Variants in CYBRD1 observed in about 807,000 individuals in gnomAD.
CYBRD1 encodes the protein plasma membrane ascorbate-dependent reductase CYBRD1.
Under a neutral mutation model 21.9 loss-of-function variants are expected in CYBRD1, and 14 were observed. That is an observed-to-expected ratio of 0.64 (90% confidence interval 0.42 to 1.00). The LOEUF (loss-of-function observed/expected upper bound fraction) is 1.00. Ranked by LOEUF, CYBRD1 falls within the 50% of genes least tolerant of loss-of-function variation. The probability of loss-of-function intolerance (pLI) is 0.00; values close to 1 mark genes in which losing one functional copy is unlikely to be tolerated. For missense variants in CYBRD1, 328 were observed against 352.5 expected, an observed-to-expected ratio of 0.93 and a Z score of 0.56; for synonymous variants, 146 against 136.5, an observed-to-expected ratio of 1.07 and a Z score of -0.48.
intron 1 of CYBRD1, among the ~76,000 whole-genome samples, chr2:171,534,342 C>G (rs886338101): frequency 2.0e-5 from 3 of 152,078 alleles, no homozygotes; most frequent in African/African-American, 7.2e-5. Context: ...CTCATTGAAC[C>G]TCAGGAATGG....
At chr2:171,543,159 C>A (rs1697661102) in intron 2 of CYBRD1, among the ~76,000 whole-genome samples, 1 of 152,160 alleles carries the variant, frequency 6.6e-6, no homozygotes, top group Non-Finnish European at 1.5e-5. Flanking sequence ...AGTACCTGTA[C>A]ATCAGAAGTC....
At chr2:171,551,768 G>T (rs943797215) in intron 2 of CYBRD1, among the ~76,000 whole-genome samples, 25 of 151,982 alleles carry the variant, frequency 1.6e-4, no homozygotes, top group African/African-American at 5.8e-4. Flanking sequence ...TATTAAAAAT[G>T]GTATCATTAA....
chr2:171,548,221 C>A (rs1697746621), intron 2 of CYBRD1, among the ~76,000 whole-genome samples: 1 of 152,166 alleles, frequency 6.6e-6, no homozygotes, highest in African/African-American at 2.4e-5. Flanking sequence ...CCTAGAACAG[C>A]AGCATTAGCA....
At chr2:171,537,068 A>AC (rs1391338092) in intron 1 of CYBRD1, among the ~76,000 whole-genome samples, 1 of 152,166 alleles carries the variant, frequency 6.6e-6, no homozygotes, top group East Asian at 1.9e-4. Context: ...TTCTATCTTC[A>AC]CAGAGTTGAG....
intron 1 of CYBRD1, chr2:171,523,363 C>T (rs1310480191): frequency 3.0e-6 from 1 of 334,446 alleles, no homozygotes; most frequent in Non-Finnish European, 6.1e-6. Context: ...CTGGGTTCCT[C>T]TCCTCCTAGA....
intron 2 of CYBRD1, among the ~76,000 whole-genome samples, chr2:171,545,235 T>G (rs1697693207): frequency 6.6e-6 from 1 of 152,022 alleles, no homozygotes; most frequent in Admixed American, 6.6e-5. Context: ...AAAGAATGCT[T>G]CTAATATTTT....
At chr2:171,523,364 T>G (rs1451429924) in intron 1 of CYBRD1, 1 of 331,954 alleles carries the variant, frequency 3.0e-6, no homozygotes, top group Non-Finnish European at 6.1e-6. Flanking sequence ...TGGGTTCCTC[T>G]CCTCCTAGAG....
Position 171,544,549 on chromosome 2 carries a change from A to G in CYBRD1, c.402+2756A>G, listed in dbSNP as rs1697682262. ...AACAAACCAAAAAAACCCCAACAAT[A>G]TGAAAAATAGTTTTGTCTTTGATAT... On this transcript the variant is annotated intron_variant, in intron 2 of 3. Transcript: ENST00000321348. Among the ~76,000 whole-genome samples, 4 of 152,212 alleles carry G rather than the reference A, an allele frequency of 2.6e-5. 1 individual carries two copies. The South Asian group carries it at 8.3e-4, about 32-fold the overall frequency.
At chr2:171,526,789 A>G (rs1406518558) in intron 1 of CYBRD1, among the ~76,000 whole-genome samples, 1 of 152,228 alleles carries the variant, frequency 6.6e-6, no homozygotes, top group Non-Finnish European at 1.5e-5. Context: ...GAAAGGTAGA[A>G]AATTCGGGTG....
In CYBRD1 at chr2:171,555,451, G is replaced by T. The variant is rs527646451; in HGVS notation, c.*624G>T. On this transcript the variant is annotated 3_prime_UTR_variant, in exon 4 of 4. Coordinates refer to ENST00000321348, the MANE Select transcript of CYBRD1 (RefSeq NM_024843.4). ...TTAGGGTATTGATAGATTAGAGCAG[G>T]TGGTTGAAGAGATCTTCTCTGGTCA... The T allele has an allele frequency of 6.5e-6, 1 of 153,088 alleles. No individual in the cohort carries two copies. 9.5% of individuals were successfully genotyped at this position (153,088 alleles called of 1,614,324 possible). A position where few individuals can be genotyped will look rare whatever the true frequency, so the allele number is the denominator to read the frequency against.
At chr2:171,550,290 G>A (rs1697779959) in intron 2 of CYBRD1, among the ~76,000 whole-genome samples, 1 of 152,060 alleles carries the variant, frequency 6.6e-6, no homozygotes, top group Non-Finnish European at 1.5e-5. Context: ...ATTTTTAGTA[G>A]AGATGGGGTT....
chr2:171,554,671 T>G lies in CYBRD1; in HGVS notation c.705T>G (p.Leu235=). Residue 235 remains leucine (L), a synonymous_variant, in exon 4 of 4, where the codon CTT becomes CTG. Coordinates refer to ENST00000321348, the MANE Select transcript of CYBRD1 (RefSeq NM_024843.4). ...CTAAGGAGCCAAATTCTACCATTCT[T>G]CATCCAAATGGAGGCACTGAACAGG... ...KRPKEPNSTI[L]HPNGGTEQGA... The G allele has an allele frequency of 1.9e-6, 3 of 1,614,048 alleles. No individual in the cohort carries two copies. The highest frequency in any genetic ancestry group is 2.5e-6 in the Non-Finnish European group (3 of 1,179,974).
chr2:171,522,348 C>T, upstream of CYBRD1: 1 of 1,511,562 alleles, frequency 6.6e-7, no homozygotes, highest in Non-Finnish European at 8.9e-7. The surrounding 1 kb of genome is among the most constrained non-coding windows in gnomAD (Gnocchi z 4.3). Context: ...GGGGTGGGGC[C>T]CATTTCTGAG....
chr2:171,530,123 A>C (rs545843893), intron 1 of CYBRD1, among the ~76,000 whole-genome samples: 2 of 152,282 alleles, frequency 1.3e-5, no homozygotes, highest in South Asian at 2.1e-4. Context: ...AAAATGGAGA[A>C]TTGTTGGCTC....
At chr2:171,541,844 T>G in intron 2 of CYBRD1, 51 bp downstream of exon 2, 1 of 1,309,102 alleles carries the variant, frequency 7.6e-7, no homozygotes, top group Non-Finnish European at 1.1e-6. Flanking sequence ...ATTCAGAGAC[T>G]GTAAATGTTT....
Position 171,553,451 on chromosome 2 carries a change from G to A in CYBRD1, c.508G>A (p.Val170Met). ...TTCTGGAATTGTCATCTTTGGAACA[G>A]TGATTGCAACAGCACTTATGGGATT... Reference protein sequence around the residue: ...VYSGIVIFGTVIATALMGLTE... With the variant: ...VYSGIVIFGTMIATALMGLTE... Residue 170 changes from valine (V) to methionine (M), a missense_variant, in exon 3 of 4, where the codon GTG becomes ATG. Val to Met is a conservative substitution (Grantham distance 21, BLOSUM62 1). Transcript: ENST00000321348. 2 of 1,613,626 alleles carry A rather than the reference G, an allele frequency of 1.2e-6. No homozygotes were observed. The highest frequency in any genetic ancestry group is 1.7e-6 in the Non-Finnish European group (2 of 1,179,718).
chr2:171,535,151 G>C (rs942955976), intron 1 of CYBRD1, among the ~76,000 whole-genome samples: 1 of 152,202 alleles, frequency 6.6e-6, no homozygotes, highest in Non-Finnish European at 1.5e-5. Flanking sequence ...GGAAGTAGGT[G>C]CCCTAACTCA....
chr2:171,541,183 A>G (rs1328882057), intron 1 of CYBRD1: 1 of 240,212 alleles, frequency 4.2e-6, no homozygotes, highest in East Asian at 1.0e-4. Flanking sequence ...CGGAAATACC[A>G]AGAAGACATT....
chr2:171,523,361 C>T, intron 1 of CYBRD1: 1 of 334,876 alleles, frequency 3.0e-6, no homozygotes, highest in South Asian at 2.4e-5. Context: ...CCCTGGGTTC[C>T]TCTCCTCCTA....
Sources: allele counts gnomAD v4.1 joint callset (sites outside exome capture counted in the v4.1 genomes callset), GRCh38; gene constraint gnomAD v4.1.1; non-coding constraint Gnocchi (gnomAD v3.1); transcripts MANE v1.5; gene names NCBI Gene and HGNC (gene_info 2026-07-23, HGNC 2026-07-21).